MFN1: variants seen among roughly 807,000 people sequenced by gnomAD.
MFN1 encodes mitofusin-1.
In MFN1, 65 loss-of-function variants were observed where a neutral mutation model predicts 92.4. That is an observed-to-expected ratio of 0.70 (90% CI 0.58 to 0.86). The LOEUF is 0.86. Among genes scored for constraint, MFN1 ranks in the 40% least tolerant of loss-of-function variants. MFN1 has a pLI of 0.00. For missense variants in MFN1, 781 were observed against 868.0 expected (o/e 0.90, Z 1.26); for synonymous variants, 297 against 300.9 (o/e 0.99, Z 0.13).
At chr3:179,381,533 TG>T (rs1225058565) in intron 14 of MFN1, among the ~76,000 whole-genome samples, 1 of 152,230 alleles carries the variant, frequency 6.6e-6, no homozygotes. Context: ...TTATTAATGG[TG>T]TGTCTTATAT....
chr3:179,367,603 C>T lies in MFN1; in HGVS notation c.907+11C>T. The T allele has an allele frequency of 6.3e-7, 1 of 1,584,634 alleles. No homozygotes were observed. The highest frequency in any genetic ancestry group is 1.4e-5 in the African/African-American group (1 of 72,646). On this transcript the variant is annotated intron_variant, in intron 8 of 17. Transcript: ENST00000471841. ...GGATGCCAGAAAGTGGTATGCATTA[C>T]CTATAGATTTCCTGTTTAAATATAA...
intron 2 of MFN1, among the ~76,000 whole-genome samples, chr3:179,350,949 G>A (rs79323744): frequency 0.032 from 4,859 of 152,040 alleles, 257 homozygotes; most frequent in African/African-American, 0.1. Flanking sequence ...CTCTGCCTCC[G>A]GATTCAAGTG....
intron 10 of MFN1, 76 bp downstream of exon 10, chr3:179,375,417 G>A: frequency 6.4e-7 from 1 of 1,556,902 alleles, no homozygotes; most frequent in South Asian, 1.1e-5. Context: ...GTTTTAAATT[G>A]TTGTACTATA....
At chr3:179,379,174 C>G (rs558632031) in intron 14 of MFN1, among the ~76,000 whole-genome samples, 2 of 152,138 alleles carry the variant, frequency 1.3e-5, no homozygotes, top group Non-Finnish European at 1.5e-5. Flanking sequence ...CCCAAATTCC[C>G]CCACACAAGC....
intron 14 of MFN1, among the ~76,000 whole-genome samples, chr3:179,383,021 C>T (rs1713533812): frequency 6.6e-6 from 1 of 152,108 alleles, no homozygotes. Flanking sequence ...TGTAGGTTGC[C>T]TGTTCACTCT....
intron 2 of MFN1, among the ~76,000 whole-genome samples, chr3:179,349,706 C>T (rs1215836833): frequency 6.6e-6 from 1 of 150,940 alleles, no homozygotes; most frequent in Non-Finnish European, 1.5e-5. Flanking sequence ...GACAGGGTTT[C>T]ACCATATTGG....
At chr3:179,375,002 T>G (rs1423365876) in intron 9 of MFN1, among the ~76,000 whole-genome samples, 1 of 152,224 alleles carries the variant, frequency 6.6e-6, no homozygotes, top group Non-Finnish European at 1.5e-5. Context: ...TGTGTAAAAA[T>G]ACACAAAGAT....
chr3:179,352,825 C>G (rs544690191), intron 3 of MFN1, among the ~76,000 whole-genome samples: 2 of 152,114 alleles, frequency 1.3e-5, no homozygotes, highest in Non-Finnish European at 2.9e-5. Flanking sequence ...AATCTCGGCT[C>G]GCTGCAACCT....
chr3:179,366,351 A>G (rs1344969651), intron 7 of MFN1, among the ~76,000 whole-genome samples: 4 of 152,016 alleles, frequency 2.6e-5, no homozygotes, highest in Non-Finnish European at 5.9e-5. Flanking sequence ...TACTCCTGCC[A>G]GCAGATTGAG....
chr3:179,353,054 AATTT>A (rs1712211913), intron 3 of MFN1, among the ~76,000 whole-genome samples: 1 of 124,344 alleles, frequency 8.0e-6, no homozygotes, highest in African/African-American at 3.0e-5. Flanking sequence ...ATCCAGCCTA[AATTT>A]TTTTTTTTTT....
intron 3 of MFN1, among the ~76,000 whole-genome samples, chr3:179,356,976 G>C (rs998626926): frequency 8.5e-5 from 13 of 152,264 alleles, no homozygotes; most frequent in African/African-American, 3.1e-4. Context: ...GGGTTTTTAA[G>C]GTTTTTGGAG....
At chr3:179,390,229 A>G in intron 17 of MFN1, 91 bp downstream of exon 17, 1 of 1,104,902 alleles carries the variant, frequency 9.1e-7, no homozygotes, top group Non-Finnish European at 1.2e-6. Flanking sequence ...TTCATTCCTA[A>G]TAGCTTTTTG....
rs1713955889 is a variant in MFN1, at chr3:179,392,718, A to G, written c.*659A>G. 1 of 152,228 alleles carries G rather than the reference A, an allele frequency of 6.6e-6. No homozygotes were observed. The highest frequency in any genetic ancestry group is 1.5e-5 in the Non-Finnish European group (1 of 68,030). 9.4% of individuals were successfully genotyped at this position (152,228 alleles called of 1,614,324 possible). A position where few individuals can be genotyped will look rare whatever the true frequency, so the allele number is the denominator to read the frequency against. On this transcript the variant is annotated 3_prime_UTR_variant, in exon 18 of 18. Coordinates refer to ENST00000471841, the MANE Select transcript of MFN1 (RefSeq NM_033540.3). Reference sequence around the variant, plus strand: ...AAACATTTTCAGCTTTGCTCCCATTATGATTCCAATAAGGAACGCTTTCCT... The same window carrying G: ...AAACATTTTCAGCTTTGCTCCCATTGTGATTCCAATAAGGAACGCTTTCCT...
At chr3:179,369,505 C>G (rs1191341981) in intron 9 of MFN1, among the ~76,000 whole-genome samples, 2 of 152,052 alleles carry the variant, frequency 1.3e-5, no homozygotes, top group African/African-American at 4.8e-5. Context: ...GTGTAATGTT[C>G]TGTTACACAT....
chr3:179,370,743 T>C (rs1712992064), intron 9 of MFN1, among the ~76,000 whole-genome samples: 1 of 152,190 alleles, frequency 6.6e-6, no homozygotes, highest in South Asian at 2.1e-4. Context: ...ACGTTGAAGA[T>C]GCATTGGTTT....
chr3:179,362,486 A>G lies in MFN1; in HGVS notation c.536+4A>G. 2 of 1,611,582 alleles carry G rather than the reference A, an allele frequency of 1.2e-6. No homozygotes were observed. The highest frequency in any genetic ancestry group is 1.7e-6 in the Non-Finnish European group (2 of 1,179,112). On this transcript the variant is annotated splice_donor_region_variant and intron_variant, in intron 5 of 17. Coordinates refer to ENST00000471841, the MANE Select transcript of MFN1 (RefSeq NM_033540.3). Reference sequence around the variant, plus strand: ...ATGACCTGGTGTTAGTAGACAGGTAAAATTACATGTGGATTGCATTTTCTC... The same window carrying G: ...ATGACCTGGTGTTAGTAGACAGGTAGAATTACATGTGGATTGCATTTTCTC...
chr3:179,367,940 A>G (rs1250415836), intron 8 of MFN1, 96 bp from the exon 9 acceptor site: 4 of 518,644 alleles, frequency 7.7e-6, no homozygotes, highest in South Asian at 7.2e-5. Flanking sequence ...AAAAGTATAT[A>G]TATATATATA....
At chr3:179,382,833 C>A (rs1270764949) in intron 14 of MFN1, among the ~76,000 whole-genome samples, 3 of 152,188 alleles carry the variant, frequency 2.0e-5, no homozygotes, top group Non-Finnish European at 2.9e-5. Context: ...TGATGATGAA[C>A]ATTTTTTCAC....
intron 14 of MFN1, among the ~76,000 whole-genome samples, chr3:179,384,900 CTTTTT>C (rs35563595): frequency 2.4e-5 from 2 of 84,630 alleles, no homozygotes; most frequent in African/African-American, 4.9e-5. Context: ...TTTTGAAGTC[CTTTTT>C]TTTTTTTTTT....
Sources: gnomAD v4.1 joint callset for allele counts (sites outside exome capture counted in the v4.1 genomes callset) on GRCh38, gnomAD v4.1.1 for gene constraint, MANE v1.5 for transcripts, NCBI Gene and HGNC (gene_info 2026-07-23, HGNC 2026-07-21) for gene names.